Variants in GARIN1A observed in about 807,000 individuals in gnomAD.
GARIN1A encodes Golgi-associated RAB2 interactor protein 1A.
chr7:128,677,752 C>G, the GARIN1A span: 1 of 1,613,780 alleles, frequency 6.2e-7, no homozygotes. Context: ...ACCAAAGACC[C>G]GAGAATCAAA....
the GARIN1A span, among the ~76,000 whole-genome samples, chr7:128,696,768 C>T: frequency 6.6e-6 from 1 of 152,160 alleles, no homozygotes; most frequent in Non-Finnish European, 1.5e-5. Flanking sequence ...GGGGAGTCAC[C>T]ATGGCTGGAG....
the GARIN1A span, among the ~76,000 whole-genome samples, chr7:128,677,133 C>T: frequency 6.6e-6 from 1 of 151,912 alleles, no homozygotes; most frequent in Non-Finnish European, 1.5e-5. Flanking sequence ...GAGCTTTCTC[C>T]CTTCAGCATC....
the GARIN1A span, chr7:128,682,893 T>C: frequency 7.7e-7 from 1 of 1,298,178 alleles, no homozygotes; most frequent in Non-Finnish European, 1.0e-6. Flanking sequence ...GGTTTTTAAG[T>C]TAAATTTTAA....
At chr7:128,673,098 G>A in the GARIN1A span, among the ~76,000 whole-genome samples, 2 of 152,252 alleles carry the variant, frequency 1.3e-5, no homozygotes, top group Admixed American at 6.5e-5. Flanking sequence ...GTCTTAACGC[G>A]GGTGCTGCCT....
the GARIN1A span, among the ~76,000 whole-genome samples, chr7:128,673,135 C>T: frequency 1.3e-5 from 2 of 152,146 alleles, no homozygotes; most frequent in African/African-American, 4.8e-5. Context: ...CTAGCCTGAA[C>T]CCATGCTCCT....
the GARIN1A span, among the ~76,000 whole-genome samples, chr7:128,708,515 TG>T: frequency 0.01 from 822 of 81,200 alleles, 11 homozygotes; most frequent in African/African-American, 0.032. Context: ...AGGGGATTTC[TG>T]AAGGTTTTTC....
At chr7:128,701,428 AGGG>A in the GARIN1A span, among the ~76,000 whole-genome samples, 1 of 1,166 alleles carries the variant, frequency 8.6e-4, no homozygotes. Flanking sequence ...GGAGAGGGGA[AGGG>A]GAGGGGAGGG....
At chr7:128,697,593 T>C in the GARIN1A span, 8 of 152,608 alleles carry the variant, frequency 5.2e-5, no homozygotes, top group African/African-American at 1.9e-4. Context: ...CCCCCTTTTG[T>C]CGCCGCGCTT....
chr7:128,674,940 A>G, the GARIN1A span, among the ~76,000 whole-genome samples: 2 of 152,176 alleles, frequency 1.3e-5, no homozygotes, highest in Admixed American at 1.3e-4. Context: ...ATTTTCTAAA[A>G]AAAGTGTAGA....
At chr7:128,705,655 GTTTTTTTTTTTTTTTTTT>G in the GARIN1A span, among the ~76,000 whole-genome samples, 2 of 61,498 alleles carry the variant, frequency 3.3e-5, no homozygotes, top group Non-Finnish European at 5.6e-5. Context: ...TTTTTTTGGT[GTTTTTTTTTTTTTTTTTT>G]TTTTTTTTTG....
At chr7:128,698,795 C>G in the GARIN1A span, among the ~76,000 whole-genome samples, 1 of 152,078 alleles carries the variant, frequency 6.6e-6, no homozygotes, top group Non-Finnish European at 1.5e-5. Context: ...TGTTGGGGGG[C>G]AGGCTGGTCT....
chr7:128,672,277 C>A, the GARIN1A span: 1 of 800,594 alleles, frequency 1.2e-6, no homozygotes, highest in East Asian at 2.8e-5. Flanking sequence ...GTGGACAGCC[C>A]GTAAGTAAAT....
At chr7:128,694,550 A>C in the GARIN1A span, among the ~76,000 whole-genome samples, 1 of 151,840 alleles carries the variant, frequency 6.6e-6, no homozygotes, top group African/African-American at 2.4e-5. Context: ...AAAAAGAAAG[A>C]AAGAAAGAAA....
the GARIN1A span, among the ~76,000 whole-genome samples, chr7:128,701,564 T>C: frequency 3.9e-5 from 6 of 152,038 alleles, no homozygotes; most frequent in South Asian, 6.2e-4. Flanking sequence ...CTAATTCTGA[T>C]TGGCTATTTT....
At chr7:128,682,864 A>G in the GARIN1A span, 260,016 of 921,628 alleles carry the variant, frequency 0.28, 38,395 homozygotes, top group East Asian at 0.49. Context: ...GGTGTGAGCC[A>G]CTGCACCCAG....
At chr7:128,689,293 G>C in the GARIN1A span, among the ~76,000 whole-genome samples, 197 of 150,976 alleles carry the variant, frequency 1.3e-3, no homozygotes, top group African/African-American at 4.5e-3. Context: ...CCCTCTGCCC[G>C]GCTGCCCAGT....
the GARIN1A span, chr7:128,690,846 C>T: frequency 6.6e-6 from 1 of 151,992 alleles, no homozygotes; most frequent in Non-Finnish European, 1.5e-5. Context: ...AACAGCAGCC[C>T]CAGAAAGCAG....
At chr7:128,695,984 C>T in the GARIN1A span, among the ~76,000 whole-genome samples, 3 of 147,134 alleles carry the variant, frequency 2.0e-5, no homozygotes, top group Non-Finnish European at 4.5e-5. This position sits in a 1 kb window ranked among gnomAD's most constrained non-coding sequence, Gnocchi z 4.5. Context: ...CCCTCCCTTC[C>T]TCCCTCCCTG....
chr7:128,701,329 G>C, the GARIN1A span, among the ~76,000 whole-genome samples: 1 of 77,342 alleles, frequency 1.3e-5, no homozygotes, highest in African/African-American at 5.1e-5. Context: ...TAGGGGAGGG[G>C]GAGGGGAGGG....
Sources: gnomAD v4.1 joint callset for allele counts (sites outside exome capture counted in the v4.1 genomes callset) on GRCh38, gnomAD v4.1.1 for gene constraint, Gnocchi (gnomAD v3.1) non-coding constraint, MANE v1.5 for transcripts, NCBI Gene and HGNC (gene_info 2026-07-23, HGNC 2026-07-21) for gene names.